Variants in SEC16B observed in about 807,000 individuals in gnomAD.
SEC16B encodes SEC16 homolog B, endoplasmic reticulum export factor.
Under a neutral mutation model 141.8 loss-of-function variants are expected in SEC16B, and 115 were observed. The observed-to-expected ratio is 0.81, with a 90% confidence interval of 0.70 to 0.95. The LOEUF is 0.95. SEC16B is among the 40% of genes least tolerant of loss of function. SEC16B has a pLI of 0.00. For synonymous variants in SEC16B, 493 were observed against 492.5 expected, an observed-to-expected ratio of 1.00 and a Z score of -0.01; for missense variants, 1,291 against 1,312.3, an observed-to-expected ratio of 0.98 and a Z score of 0.25.
chr1:177,962,027 A>G lies in SEC16B; in HGVS notation c.643-293T>C, dbSNP rs1301694887. On this transcript the variant is annotated intron_variant, in intron 5 of 25. Coordinates refer to ENST00000308284, the MANE Select transcript of SEC16B (RefSeq NM_033127.4). ...TGAGCTCAGTGCTTTCATCTGTGATATAATCATATCTGCCCTATATACTTC... is the reference window on the plus strand; with the variant it reads ...TGAGCTCAGTGCTTTCATCTGTGATGTAATCATATCTGCCCTATATACTTC... 2.0e-5 allele frequency among the ~76,000 whole-genome samples: 3 copies of G among 152,160 alleles called. No individual in the cohort carries two copies. In the East Asian group the frequency reaches 5.8e-4, roughly 29 times the overall value.
chr1:177,940,446 C>A (rs1651192303), intron 17 of SEC16B, among the ~76,000 whole-genome samples, 164 bp downstream of exon 17: 1 of 152,196 alleles, frequency 6.6e-6, no homozygotes. Context: ...AGTCCCACCC[C>A]TTGCGCAGAC....
In SEC16B at chr1:177,960,403, C is replaced by A. The variant is rs745456594; in HGVS notation, c.937G>T (p.Val313Phe). 3 of 1,591,030 alleles carry A rather than the reference C, an allele frequency of 1.9e-6. No homozygotes were observed. The highest frequency in any genetic ancestry group is 4.5e-5 in the East Asian group (2 of 44,456). ...TGCTCTTCGGAATCATTAAGAATAA[C>A]CTGGAATAAAACAATCAGATTTTGT... The part of the protein sequence containing the change: ...AALVELHSME[V>F]ILNDSEEQEE... Residue 313 changes from valine (V) to phenylalanine (F), a missense_variant and splice_region_variant, in exon 8 of 26, where the codon GTT becomes TTT. Transcript: ENST00000308284.
rs1651871861 is a variant in SEC16B at position 177,948,070 on chromosome 1, G to A, written c.1546-128C>T. 1.8e-5 allele frequency: 14 copies of A among 774,184 alleles called. No homozygotes were observed. The South Asian group carries it at 2.0e-4, about 11-fold the overall frequency. 48.0% of individuals were successfully genotyped at this position (774,184 alleles called of 1,614,324 possible). A position where few individuals can be genotyped will look rare whatever the true frequency, so the allele number is the denominator to read the frequency against. ...TGCCCACTCTACCACCTGCAATGCT[G>A]CCATTCATTGATTTAGAGCTCTCAT... On this transcript the variant is annotated intron_variant, in intron 12 of 25. Transcript: ENST00000308284.
chr1:177,974,379 T>C (rs2102020617), upstream of SEC16B, among the ~76,000 whole-genome samples: 1 of 152,166 alleles, frequency 6.6e-6, no homozygotes, highest in African/African-American at 2.4e-5. Flanking sequence ...GAGGTGGACA[T>C]AGAAGAACTG....
chr1:177,936,560 T>A (rs1650859895), intron 19 of SEC16B, among the ~76,000 whole-genome samples, 195 bp from the exon 20 acceptor site: 1 of 152,214 alleles, frequency 6.6e-6, no homozygotes, highest in Non-Finnish European at 1.5e-5. Flanking sequence ...CAGGACATGC[T>A]GTTCAACTCA....
Position 177,947,866 on chromosome 1 carries a change from T to C in SEC16B, c.1622A>G (p.Glu541Gly). 6.4e-7 allele frequency: 1 copy of C among 1,559,124 alleles called. No homozygotes were observed. The highest frequency in any genetic ancestry group is 8.7e-7 in the Non-Finnish European group (1 of 1,151,790). The part of the protein sequence containing the change: ...VILSNQAGDP[E>G]LYQRAIVAIG... ...GGCAACAATCGCACGCTGATACAGC[T>C]CTGGGTCCCCAGCCTGATTCGACAG... Residue 541 changes from glutamate (E) to glycine (G), a missense_variant, in exon 13 of 26, where the codon GAG becomes GGG. Physicochemically the swap from Glu to Gly is moderately conservative, Grantham distance 98. Around this residue, in one of 3 missense-constraint regions of SEC16B, gnomAD observed 681 missense variants for 675.5 expected, o/e 1.01. Transcript: ENST00000308284.
At chr1:177,962,275 T>A (rs757683694) in intron 5 of SEC16B, among the ~76,000 whole-genome samples, 1 of 151,974 alleles carries the variant, frequency 6.6e-6, no homozygotes, top group African/African-American at 2.4e-5. Flanking sequence ...TTTCACCATG[T>A]TGGCCAGGAT....
rs369637011 is a variant in SEC16B at position 177,965,204 on chromosome 1, C to T, written c.413-37G>A. The stretch of plus-strand genomic sequence containing the variant: ...GAGAAAACAAAATCAAGACAGGTCA[C>T]TTCCTGTTTCTGAAAGTTCTTAGAA... On this transcript the variant is annotated intron_variant, in intron 3 of 25. Transcript: ENST00000308284. The T allele has an allele frequency of 2.8e-4, 447 of 1,608,736 alleles. 3 individuals are homozygous for T. The highest frequency in any genetic ancestry group is 2.2e-3 in the South Asian group (200 of 90,086).
chr1:177,952,072 T>TGTG, intron 11 of SEC16B, 77 bp from the exon 12 acceptor site: 2 of 1,235,900 alleles, frequency 1.6e-6, no homozygotes, highest in Non-Finnish European at 2.3e-6. Flanking sequence ...CTCAGGGCCT[T>TGTG]GCATAATTCT....
chr1:177,951,252 G>T (rs2101951025), intron 12 of SEC16B, among the ~76,000 whole-genome samples: 1 of 152,128 alleles, frequency 6.6e-6, no homozygotes, highest in Non-Finnish European at 1.5e-5. Context: ...CATATTAAAA[G>T]GGCATGCTAT....
chr1:177,946,109 T>C (rs1651681414), intron 14 of SEC16B: 3 of 567,314 alleles, frequency 5.3e-6, no homozygotes. Context: ...GTTGTTTTTT[T>C]AAAGGAACAA....
At chr1:177,940,444 C>G (rs565266393) in intron 17 of SEC16B, among the ~76,000 whole-genome samples, 166 bp downstream of exon 17, 2 of 152,258 alleles carry the variant, frequency 1.3e-5, no homozygotes, top group African/African-American at 4.8e-5. Context: ...TGAGTCCCAC[C>G]CCTTGCGCAG....
chr1:177,931,401 A>G (rs1278639459), intron 24 of SEC16B, among the ~76,000 whole-genome samples: 1 of 152,146 alleles, frequency 6.6e-6, no homozygotes, highest in Non-Finnish European at 1.5e-5. Flanking sequence ...GACATAATGG[A>G]CTTTAGAGAT....
chr1:177,945,231 G>A (rs915346489), intron 14 of SEC16B: 3 of 152,376 alleles, frequency 2.0e-5, no homozygotes, highest in African/African-American at 7.2e-5. Flanking sequence ...CTGAGTGAAT[G>A]TGATCTGGTT....
chr1:177,961,019 G>C, intron 6 of SEC16B, 80 bp from the exon 7 acceptor site: 1 of 1,492,936 alleles, frequency 6.7e-7, no homozygotes, highest in Non-Finnish European at 9.1e-7. Context: ...TGCCACAGAT[G>C]TATTTCTGCC....
At chr1:177,971,945 G>A (rs1653974588), upstream of SEC16B, among the ~76,000 whole-genome samples, 1 of 152,214 alleles carries the variant, frequency 6.6e-6, no homozygotes, top group Non-Finnish European at 1.5e-5. Context: ...AAGCAAGGTT[G>A]TTGGTGGGTT....
In SEC16B at chr1:177,978,742, A is replaced by AATAAATAG. The variant is rs747426153; in HGVS notation, c.-59+5463_-59+5464insCTATTTAT. ...AAATAAATAAATAAATAAATAAATA[A>AATAAATAG]ATAGCATAGCAGAAAAGTTCATTTC... On this transcript the variant is annotated intron_variant and NMD_transcript_variant, in intron 1 of 24. Coordinates refer to the SEC16B transcript ENST00000528461. Among the ~76,000 whole-genome samples the AATAAATAG allele has an allele frequency of 3.1e-3, 458 of 146,334 alleles. 1 individual carries two copies. Among genetic ancestry groups the AATAAATAG allele is most frequent in the East Asian group, 0.01 (49 of 4,724 alleles).
intron 1 of SEC16B, 139 bp from the exon 2 acceptor site, chr1:177,968,178 A>G (rs541529337): frequency 1.2e-4 from 58 of 495,418 alleles, no homozygotes; most frequent in Middle Eastern, 5.3e-4. Context: ...GATACAGAGA[A>G]ATCTGAGAAA....
intron 22 of SEC16B, 115 bp from the exon 23 acceptor site, chr1:177,932,921 G>T: frequency 3.9e-6 from 4 of 1,019,906 alleles, no homozygotes; most frequent in South Asian, 2.9e-5. Context: ...CTGCTGCTGG[G>T]CACTCCCCAA....
Sources: gnomAD v4.1 joint callset for allele counts (sites outside exome capture counted in the v4.1 genomes callset) on GRCh38, gnomAD v4.1.1 for gene constraint, gnomAD v4.1.1 regional missense constraint, MANE v1.5 for transcripts, NCBI Gene and HGNC (gene_info 2026-07-23, HGNC 2026-07-21) for gene names.